HDGFL3: variants seen among roughly 807,000 people sequenced by gnomAD.
HDGFL3 encodes the protein HDGF like 3, also known as hepatoma-derived growth factor-related protein 3.
HDGFL3 carries 6 observed loss-of-function variants against 27.6 expected under a neutral mutation model. That is an observed-to-expected ratio of 0.22 (90% CI 0.12 to 0.43). The LOEUF (loss-of-function observed/expected upper bound fraction) is 0.43, where lower values mean the gene tolerates loss of function less well. HDGFL3 is among the 20% of genes least tolerant of loss of function. The pLI is 1.00. For missense variants in HDGFL3, 207 were observed against 250.1 expected, an observed-to-expected ratio of 0.83 and a Z score of 1.16; for synonymous variants, 88 against 88.9, an observed-to-expected ratio of 0.99 and a Z score of 0.05.
intron 1 of HDGFL3, among the ~76,000 whole-genome samples, chr15:83,178,806 C>T (rs1204831304): frequency 6.6e-6 from 1 of 152,080 alleles, no homozygotes; most frequent in African/African-American, 2.4e-5. Flanking sequence ...GTCTATGCTC[C>T]TACGTTAAAT....
At chr15:83,145,363 A>G (rs2151395356) in intron 5 of HDGFL3, among the ~76,000 whole-genome samples, 1 of 152,136 alleles carries the variant, frequency 6.6e-6, no homozygotes, top group East Asian at 1.9e-4. Flanking sequence ...AAACTCCTAT[A>G]TTCTCAATTT....
exon 4 of HDGFL3, chr15:83,113,086 A>C (rs1596471416): frequency 3.4e-6 from 2 of 595,578 alleles, no homozygotes; most frequent in Non-Finnish European, 6.0e-6. Flanking sequence ...AGTGGACTCC[A>C]CCCTCTCCCA....
chr15:83,119,551 T>G, intron 3 of HDGFL3: 1 of 1,612,168 alleles, frequency 6.2e-7, no homozygotes, highest in Non-Finnish European at 8.5e-7. Context: ...TTATTTAAAG[T>G]GGACTTCTTT....
Position 83,132,500 on chromosome 15 carries a change from G to C in HDGFL3, c.*6770C>G, listed in dbSNP as rs920025157. The C allele has an allele frequency of 6.6e-6, 1 of 152,156 alleles. No homozygotes were observed. The highest frequency in any genetic ancestry group is 1.5e-5 in the Non-Finnish European group (1 of 68,030). 9.4% of individuals were successfully genotyped at this position (152,156 alleles called of 1,614,324 possible). Reference sequence around the variant, plus strand: ...CTATGTCATGTCTTTTTCTCACAAAGAGATATGGAAACTTACGTGTGAATA... The same window carrying C: ...CTATGTCATGTCTTTTTCTCACAAACAGATATGGAAACTTACGTGTGAATA... On this transcript the variant is annotated 3_prime_UTR_variant, in exon 6 of 6. Coordinates refer to ENST00000299633, the MANE Select transcript of HDGFL3 (RefSeq NM_016073.4).
At chr15:83,157,266 C>A (rs545143045) in intron 4 of HDGFL3, 149 bp downstream of exon 4, 428 of 757,918 alleles carry the variant, frequency 5.6e-4, no homozygotes, top group Non-Finnish European at 8.1e-4. Flanking sequence ...GGTTACCTGA[C>A]TTCCCTCTGC....
chr15:83,187,416 G>A (rs1201731069), intron 1 of HDGFL3, among the ~76,000 whole-genome samples: 1 of 150,742 alleles, frequency 6.6e-6, no homozygotes, highest in Non-Finnish European at 1.5e-5. Flanking sequence ...ACACACACAG[G>A]AATCATACTT....
chr15:83,169,448 G>GA (rs1405804727), intron 1 of HDGFL3, among the ~76,000 whole-genome samples: 5 of 69,404 alleles, frequency 7.2e-5, no homozygotes, highest in Non-Finnish European at 1.5e-4. Flanking sequence ...AAAAAAAAAA[G>GA]AAAGAAAAGA....
rs1372032636 is a variant in HDGFL3 at position 83,128,840 on chromosome 15, T to A, written c.*10430A>T. On this transcript the variant is annotated 3_prime_UTR_variant, in exon 6 of 6. Transcript: ENST00000299633. ...GACCACCACTAAGTCCTTTTTTTTTTCTTTTAAAGAGACAGGGTCTTGCTC... is the reference window on the plus strand; with the variant it reads ...GACCACCACTAAGTCCTTTTTTTTTACTTTTAAAGAGACAGGGTCTTGCTC... 1 of 152,104 alleles carries A rather than the reference T, an allele frequency of 6.6e-6. No individual in the cohort carries two copies. The highest frequency in any genetic ancestry group is 2.4e-5 in the African/African-American group (1 of 41,400). 9.4% of individuals were successfully genotyped at this position (152,104 alleles called of 1,614,324 possible). A position where few individuals can be genotyped will look rare whatever the true frequency, so the allele number is the denominator to read the frequency against.
At chr15:83,124,554 GA>G (rs2151370580), downstream of HDGFL3, 1 of 729,400 alleles carries the variant, frequency 1.4e-6, no homozygotes, top group African/African-American at 1.8e-5. Flanking sequence ...AGTGATTTAT[GA>G]TATAAATTGT....
intron 1 of HDGFL3, among the ~76,000 whole-genome samples, chr15:83,170,133 T>G (rs188863029): frequency 7.9e-5 from 12 of 152,340 alleles, no homozygotes; most frequent in South Asian, 4.1e-4. Context: ...ATTGTTCAAA[T>G]GTCCAGACTA....
At chr15:83,123,884 T>C (rs1254510089), downstream of HDGFL3, among the ~76,000 whole-genome samples, 5 of 152,250 alleles carry the variant, frequency 3.3e-5, no homozygotes, top group African/African-American at 1.2e-4. Context: ...GCAGGCATTG[T>C]CATACAGTGC....
intron 1 of HDGFL3, among the ~76,000 whole-genome samples, chr15:83,180,018 A>C (rs1017828233): frequency 2.6e-5 from 4 of 152,070 alleles, no homozygotes; most frequent in Admixed American, 2.6e-4. Flanking sequence ...GGCGGGGGGC[A>C]GAGGGAGGTG....
At chr15:83,173,594 T>G (rs1393349492) in intron 1 of HDGFL3, among the ~76,000 whole-genome samples, 1 of 152,214 alleles carries the variant, frequency 6.6e-6, no homozygotes, top group East Asian at 1.9e-4. Flanking sequence ...ATTTTTTATG[T>G]TTCTCTAGAT....
intron 1 of HDGFL3, among the ~76,000 whole-genome samples, chr15:83,187,158 CTTTT>C (rs201809112): frequency 1.2e-4 from 16 of 131,022 alleles, no homozygotes; most frequent in African/African-American, 3.8e-4. Context: ...CTTGGAAATT[CTTTT>C]TTTTTTTTTT....
chr15:83,148,496 C>T (rs1462745147), intron 5 of HDGFL3, among the ~76,000 whole-genome samples: 1 of 152,008 alleles, frequency 6.6e-6, no homozygotes, highest in African/African-American at 2.4e-5. Context: ...GTGGTGGGTG[C>T]CTGTAGTCCC....
intron 1 of HDGFL3, among the ~76,000 whole-genome samples, chr15:83,204,548 T>C (rs1239567577): frequency 2.6e-5 from 4 of 151,984 alleles, no homozygotes; most frequent in Non-Finnish European, 4.4e-5. Flanking sequence ...GATAAATGGG[T>C]CTTCACAGTT....
At chr15:83,127,525 A>C, downstream of HDGFL3, 2 of 1,603,898 alleles carry the variant, frequency 1.2e-6, no homozygotes, top group African/African-American at 2.7e-5. Context: ...TCTAGGTGTC[A>C]ATTGTTGAAT....
At chr15:83,141,183 C>T (rs1355004368) in intron 5 of HDGFL3, among the ~76,000 whole-genome samples, 1 of 152,162 alleles carries the variant, frequency 6.6e-6, no homozygotes, top group Non-Finnish European at 1.5e-5. Flanking sequence ...CTGAAGTCTC[C>T]TCTGAGTAAG....
intron 4 of HDGFL3, among the ~76,000 whole-genome samples, chr15:83,155,185 T>C (rs1297105880): frequency 1.3e-5 from 2 of 152,256 alleles, no homozygotes; most frequent in Non-Finnish European, 2.9e-5. Context: ...TAAATGATCA[T>C]GAAGTTGTAA....
Sources: allele counts gnomAD v4.1 joint callset (sites outside exome capture counted in the v4.1 genomes callset), GRCh38; gene constraint gnomAD v4.1.1; transcripts MANE v1.5; gene names NCBI Gene and HGNC (gene_info 2026-07-23, HGNC 2026-07-21).